Variants in PACRG observed in about 807,000 individuals in gnomAD.
PACRG encodes parkin coregulated.
In PACRG, 29 loss-of-function variants were observed where a neutral mutation model predicts 29.7. That is an observed-to-expected ratio of 0.98 (90% CI 0.73 to 1.33). The LOEUF (loss-of-function observed/expected upper bound fraction) is 1.33, where lower values mean the gene tolerates loss of function less well. PACRG is among the 40% of genes most tolerant of loss of function. The probability of loss-of-function intolerance (pLI) is 0.00; values close to 1 mark genes in which losing one functional copy is unlikely to be tolerated. For missense variants in PACRG, 279 were observed against 316.2 expected (o/e 0.88, Z 0.89); for synonymous variants, 116 against 118.7 (o/e 0.98, Z 0.15).
intron 4 of PACRG, among the ~76,000 whole-genome samples, chr6:163,211,945 A>T (rs909383858): frequency 6.6e-6 from 1 of 152,192 alleles, no homozygotes; most frequent in Non-Finnish European, 1.5e-5. Context: ...TGGTCCAGGG[A>T]GGGGTGTCAG....
chr6:163,152,031 T>C (rs1778113269), intron 4 of PACRG, among the ~76,000 whole-genome samples: 1 of 152,222 alleles, frequency 6.6e-6, no homozygotes, highest in African/African-American at 2.4e-5. Context: ...CAAATTACAA[T>C]GGCACTTCCC....
At chr6:163,069,781 G>C (rs1811877383) in intron 3 of PACRG, among the ~76,000 whole-genome samples, 2 of 152,060 alleles carry the variant, frequency 1.3e-5, no homozygotes, top group African/African-American at 4.8e-5. Flanking sequence ...CCCAAATCTA[G>C]AGAAAAATAT....
intron 4 of PACRG, among the ~76,000 whole-genome samples, chr6:163,225,824 C>T (rs776118764): frequency 1.6e-4 from 25 of 152,048 alleles, no homozygotes; most frequent in Admixed American, 1.2e-3. Context: ...GTCCATCAGT[C>T]GACGAATGGA....
intron 2 of PACRG, among the ~76,000 whole-genome samples, chr6:163,059,952 C>G (rs1168837157): frequency 6.6e-6 from 1 of 152,066 alleles, no homozygotes; most frequent in Admixed American, 6.5e-5. Context: ...TTATTTATCT[C>G]TCACTAAGAT....
chr6:162,748,415 C>T (rs1030305321), intron 1 of PACRG, among the ~76,000 whole-genome samples: 4 of 152,058 alleles, frequency 2.6e-5, no homozygotes, highest in Admixed American at 1.3e-4. Context: ...ATCGCTTGAA[C>T]CCCAGGAGGC....
chr6:162,967,671 T>G (rs1314363269), intron 2 of PACRG, among the ~76,000 whole-genome samples: 1 of 152,092 alleles, frequency 6.6e-6, no homozygotes, highest in Non-Finnish European at 1.5e-5. Flanking sequence ...CACGCCCGGC[T>G]AATTTTTTTG....
intron 2 of PACRG, among the ~76,000 whole-genome samples, chr6:162,824,509 G>A (rs34117920): frequency 0.23 from 34,997 of 151,964 alleles, 4,207 homozygotes; most frequent in South Asian, 0.34. Flanking sequence ...CAGATTTGCC[G>A]TTGCATTTTC....
rs1318564441 is a variant in PACRG, at chr6:163,158,750, G to A, written c.613+69342G>A. The stretch of plus-strand genomic sequence containing the variant: ...CTAGGAAATAATATTGCACACTGAC[G>A]TGCCAGGTACCTCCTCACACTGCAG... On this transcript the variant is annotated intron_variant, in intron 4 of 4. Transcript: ENST00000366888. 3.3e-5 allele frequency among the ~76,000 whole-genome samples: 5 copies of A among 152,230 alleles called. No individual in the cohort carries two copies. In the East Asian group the frequency reaches 5.8e-4, roughly 18 times the overall value.
At chr6:163,232,681 C>T (rs899960602) in intron 4 of PACRG, among the ~76,000 whole-genome samples, 9 of 152,088 alleles carry the variant, frequency 5.9e-5, no homozygotes, top group African/African-American at 2.2e-4. Flanking sequence ...TGTGGACCAG[C>T]GAGAAGAGGA....
chr6:162,913,585 G>A lies in PACRG; in HGVS notation c.291+99304G>A, dbSNP rs146606613. 5.3e-5 allele frequency among the ~76,000 whole-genome samples: 8 copies of A among 152,208 alleles called. No homozygotes were observed. The East Asian group carries it at 9.6e-4, about 18-fold the overall frequency. On this transcript the variant is annotated intron_variant, in intron 2 of 4. Transcript: ENST00000366888. ...TTGGGGAAATACTTAGGAGTATAAC[G>A]GCTGAGTTGCGTGGAAAGTGCTATT...
upstream of PACRG, chr6:162,727,668 T>G: frequency 2.5e-6 from 4 of 1,583,316 alleles, no homozygotes; most frequent in Non-Finnish European, 3.4e-6. Flanking sequence ...GTACCTATCA[T>G]GGTCACTGGG....
At chr6:163,239,413 A>G (rs73597574) in intron 4 of PACRG, among the ~76,000 whole-genome samples, 12,196 of 151,690 alleles carry the variant, frequency 0.08, 997 homozygotes, top group East Asian at 0.2. Context: ...GACCACCTCT[A>G]TAAGAGACTC....
intron 4 of PACRG, among the ~76,000 whole-genome samples, chr6:163,105,731 T>C (rs2128316343): frequency 6.6e-6 from 1 of 152,256 alleles, no homozygotes; most frequent in Non-Finnish European, 1.5e-5. Flanking sequence ...TATGGGTTAA[T>C]ATCCAACATT....
intron 2 of PACRG, among the ~76,000 whole-genome samples, chr6:162,907,937 C>T (rs1397104318): frequency 6.6e-6 from 1 of 152,080 alleles, no homozygotes; most frequent in African/African-American, 2.4e-5. Flanking sequence ...CATATAATTT[C>T]AGTGACTGAA....
chr6:163,253,273 G>A (rs1269637261), intron 4 of PACRG, among the ~76,000 whole-genome samples: 3 of 148,158 alleles, frequency 2.0e-5, no homozygotes, highest in Non-Finnish European at 4.5e-5. Flanking sequence ...GCACTCCAGC[G>A]TGGGTGAGAG....
chr6:162,744,426 C>T (rs376529756), intron 1 of PACRG, among the ~76,000 whole-genome samples: 1 of 151,886 alleles, frequency 6.6e-6, no homozygotes, highest in African/African-American at 2.4e-5. Flanking sequence ...GCCAGACCCC[C>T]GTCTAAAACA....
intron 4 of PACRG, among the ~76,000 whole-genome samples, chr6:163,281,543 A>AT (rs5881519): frequency 0.013 from 1,962 of 148,580 alleles, 43 homozygotes; most frequent in African/African-American, 0.045. Context: ...ATCAAGATGA[A>AT]TTTTTTTTTT....
chr6:163,151,465 G>A (rs1778089325), intron 4 of PACRG, among the ~76,000 whole-genome samples: 1 of 152,150 alleles, frequency 6.6e-6, no homozygotes, highest in South Asian at 2.1e-4. Flanking sequence ...GAGAAAGACA[G>A]CCTCCCACTA....
At chr6:163,121,358 T>C (rs2128324677) in intron 4 of PACRG, among the ~76,000 whole-genome samples, 1 of 152,332 alleles carries the variant, frequency 6.6e-6, no homozygotes, top group African/African-American at 2.4e-5. Context: ...TTGCTAAATA[T>C]TACAAATCCT....
Sources: gnomAD v4.1 joint callset for allele counts (sites outside exome capture counted in the v4.1 genomes callset) on GRCh38, gnomAD v4.1.1 for gene constraint, MANE v1.5 for transcripts, NCBI Gene and HGNC (gene_info 2026-07-23, HGNC 2026-07-21) for gene names.